KIF16B: variants seen among roughly 807,000 people sequenced by gnomAD.
KIF16B encodes kinesin-like protein KIF16B.
Under a neutral mutation model 156.3 loss-of-function variants are expected in KIF16B, and 98 were observed. The observed-to-expected ratio is 0.63, with a 90% confidence interval of 0.53 to 0.74. The LOEUF (loss-of-function observed/expected upper bound fraction) is 0.74, where lower values mean the gene tolerates loss of function less well. KIF16B is among the 30% of genes least tolerant of loss of function. The probability of loss-of-function intolerance (pLI) is 0.00; values close to 1 mark genes in which losing one functional copy is unlikely to be tolerated. For synonymous variants in KIF16B, 564 were observed against 583.7 expected (o/e 0.97, Z 0.49); for missense variants, 1,421 against 1,606.5 (o/e 0.88, Z 1.97).
intron 22 of KIF16B, among the ~76,000 whole-genome samples, chr20:16,365,598 G>A (rs938513960): frequency 6.6e-6 from 1 of 152,184 alleles, no homozygotes; most frequent in Non-Finnish European, 1.5e-5. Context: ...CTAGGTAGAG[G>A]AAAATAGGTG....
At chr20:16,280,051 A>G (rs182343160) in intron 25 of KIF16B, among the ~76,000 whole-genome samples, 90 of 152,340 alleles carry the variant, frequency 5.9e-4, no homozygotes, top group Admixed American at 2.5e-3. Context: ...TTATATTACT[A>G]TGATTCATGT....
intron 1 of KIF16B, among the ~76,000 whole-genome samples, chr20:16,544,471 G>A (rs1182460061): frequency 6.6e-6 from 1 of 151,974 alleles, no homozygotes; most frequent in Admixed American, 6.6e-5. Context: ...TTAGCCAGGT[G>A]TGGCAGGTGT....
Position 16,549,011 on chromosome 20 carries a change from GTT to G in KIF16B, c.48-20573_48-20572del, listed in dbSNP as rs71192340. On this transcript the variant is annotated intron_variant, in intron 1 of 25. Coordinates refer to ENST00000354981, the MANE Select transcript of KIF16B (RefSeq NM_024704.5). The stretch of plus-strand genomic sequence containing the variant: ...AAGAATTTTAAAATACTCATTTTCG[GTT>G]TTTTTTTTTTATGTTTTTTTTTCGT... Among the ~76,000 whole-genome samples the G allele has an allele frequency of 7.2e-4, 101 of 140,974 alleles. 1 individual carries two copies. The South Asian group carries it at 0.013, about 18-fold the overall frequency. The allele number at this position is 140,974 out of a possible 152,430, so 92.5% of individuals were successfully genotyped here. A position where few individuals can be genotyped will look rare whatever the true frequency, so the allele number is the denominator to read the frequency against.
At chr20:16,331,489 A>G (rs544669933) in intron 24 of KIF16B, among the ~76,000 whole-genome samples, 37 of 152,340 alleles carry the variant, frequency 2.4e-4, no homozygotes, top group South Asian at 2.1e-3. Flanking sequence ...TTTGAATTCC[A>G]GTGTGCTTTT....
rs752050826 is a variant in KIF16B at position 16,379,468 on chromosome 20, T to C, written c.2534A>G (p.Gln845Arg). ...KLVNLEKDLV[Q>R]QKDILKKEVQ... ...TTCTTTTTTCAGGATGTCTTTCTGCTGAACCAGGTCCTTCTCCAAGTTCAC... is the reference window on the plus strand; with the variant it reads ...TTCTTTTTTCAGGATGTCTTTCTGCCGAACCAGGTCCTTCTCCAAGTTCAC... The change falls in exon 19 of 26, where the codon CAG becomes CGG. Residue 845 changes from glutamine (Q) to arginine (R), a missense_variant. By Grantham distance (43) the Gln-to-Arg change is conservative (BLOSUM62 1). Transcript: ENST00000354981. The C allele has an allele frequency of 5.0e-6, 8 of 1,614,160 alleles. No individual in the cohort carries two copies. Among genetic ancestry groups the C allele is most frequent in the East Asian group, 2.2e-5 (1 of 44,880 alleles).
At chr20:16,458,511 T>C (rs1034007772) in intron 12 of KIF16B, among the ~76,000 whole-genome samples, 8 of 152,210 alleles carry the variant, frequency 5.3e-5, no homozygotes, top group Admixed American at 3.9e-4. Context: ...CTCATGTGTA[T>C]GGGTAGTATA....
chr20:16,537,435 G>A (rs956880193), intron 1 of KIF16B, among the ~76,000 whole-genome samples: 1 of 151,998 alleles, frequency 6.6e-6, no homozygotes, highest in Non-Finnish European at 1.5e-5. Context: ...TAAGAGCAAG[G>A]ACTCTGCCTG....
chr20:16,484,941 A>G (rs1289106804), intron 12 of KIF16B, among the ~76,000 whole-genome samples: 2 of 152,210 alleles, frequency 1.3e-5, no homozygotes, highest in African/African-American at 4.8e-5. Context: ...TTTTTTGCAA[A>G]AAATGACAAG....
intron 12 of KIF16B, among the ~76,000 whole-genome samples, chr20:16,435,090 GTTTC>G (rs1160453257): frequency 2.6e-5 from 4 of 152,272 alleles, no homozygotes; most frequent in Admixed American, 2.6e-4. Flanking sequence ...TTTCAACCAT[GTTTC>G]TTTATTATTA....
At chr20:16,329,771 C>G (rs1409901211) in intron 24 of KIF16B, among the ~76,000 whole-genome samples, 1 of 151,830 alleles carries the variant, frequency 6.6e-6, no homozygotes, top group Non-Finnish European at 1.5e-5. Context: ...AAGAGGAAAC[C>G]CATTTGAAAT....
At chr20:16,405,366 G>A (rs1036153244) in intron 16 of KIF16B, among the ~76,000 whole-genome samples, 5 of 151,044 alleles carry the variant, frequency 3.3e-5, no homozygotes, top group African/African-American at 9.7e-5. Flanking sequence ...TGGCAAACAT[G>A]TTTTTTCCCT....
At chr20:16,459,147 T>C (rs1474677621) in intron 12 of KIF16B, among the ~76,000 whole-genome samples, 1 of 152,192 alleles carries the variant, frequency 6.6e-6, no homozygotes, top group Non-Finnish European at 1.5e-5. Flanking sequence ...ATTACAGGTA[T>C]ACTTACATTC....
chr20:16,364,656 T>C (rs1476375069), intron 22 of KIF16B, among the ~76,000 whole-genome samples: 1 of 152,196 alleles, frequency 6.6e-6, no homozygotes, highest in Non-Finnish European at 1.5e-5. Flanking sequence ...ACCTTAATAC[T>C]TACTTCACAG....
chr20:16,468,675 G>A lies in KIF16B; in HGVS notation c.1302+25616C>T, dbSNP rs192223099. Among the ~76,000 whole-genome samples, 182 of 150,950 alleles carry A rather than the reference G, an allele frequency of 1.2e-3. 1 individual carries two copies. The highest frequency in any genetic ancestry group is 4.0e-3 in the African/African-American group (164 of 41,074). On this transcript the variant is annotated intron_variant, in intron 12 of 25. Transcript: ENST00000354981. ...AATGTGTATGGCATAACAATAGAGA[G>A]TAAATATACGTGAGGTAAAAACTGA...
Position 16,373,905 on chromosome 20 carries a change from T to C in KIF16B, c.3350+352A>G, listed in dbSNP as rs143442769. ...AGATTGAAAATACATGGAGGGCAAC[T>C]TTTTCTAACCGCAGGTTCCAGAGGG... On this transcript the variant is annotated intron_variant, in intron 20 of 25. Coordinates refer to ENST00000354981, the MANE Select transcript of KIF16B (RefSeq NM_024704.5). Among the ~76,000 whole-genome samples the C allele has an allele frequency of 3.7e-3, 567 of 152,334 alleles. 1 individual carries two copies. Among genetic ancestry groups the C allele is most frequent in the Non-Finnish European group, 5.3e-3 (359 of 68,034 alleles).
At chr20:16,520,045 G>A (rs1013945364) in intron 3 of KIF16B, among the ~76,000 whole-genome samples, 2 of 151,970 alleles carry the variant, frequency 1.3e-5, no homozygotes, top group Admixed American at 6.5e-5. Context: ...AGATTCCTTC[G>A]GGTACCTACA....
intron 12 of KIF16B, among the ~76,000 whole-genome samples, chr20:16,489,846 T>C (rs2068233796): frequency 6.6e-6 from 1 of 152,160 alleles, no homozygotes; most frequent in Non-Finnish European, 1.5e-5. Context: ...TTGATGCTGC[T>C]ATCCATGCTA....
intron 1 of KIF16B, among the ~76,000 whole-genome samples, chr20:16,558,932 G>A (rs1003755738): frequency 2.0e-5 from 3 of 150,038 alleles, no homozygotes; most frequent in Admixed American, 1.3e-4. Flanking sequence ...CCAAGTGGGG[G>A]TAAATTTGTT....
At chr20:16,380,628 A>C (rs1049006616) in intron 18 of KIF16B, among the ~76,000 whole-genome samples, 1 of 152,242 alleles carries the variant, frequency 6.6e-6, no homozygotes, top group Non-Finnish European at 1.5e-5. Flanking sequence ...TCGACAGTTC[A>C]TTGTTCCAGC....
Sources: allele counts gnomAD v4.1 joint callset (sites outside exome capture counted in the v4.1 genomes callset), GRCh38; gene constraint gnomAD v4.1.1; transcripts MANE v1.5; gene names NCBI Gene and HGNC (gene_info 2026-07-23, HGNC 2026-07-21).